The following MED13L variants were observed in gnomAD, a reference collection of about 807,000 sequenced individuals.
The protein encoded by MED13L is mediator complex subunit 13L, also known as mediator of RNA polymerase II transcription subunit 13-like.
MED13L carries 7 observed loss-of-function variants against 220.9 expected under a neutral mutation model. The observed-to-expected ratio is 0.03, with a 90% confidence interval of 0.02 to 0.06. MED13L has a LOEUF of 0.06. MED13L is among the 10% of genes least tolerant of loss of function. The probability of loss-of-function intolerance (pLI) is 1.00; values close to 1 mark genes in which losing one functional copy is unlikely to be tolerated. For missense variants in MED13L, 1,965 were observed against 2,760.5 expected (o/e 0.71, Z 6.46); for synonymous variants, 1,011 against 1,015.2 (o/e 1.00, Z 0.08).
chr12:116,135,814 G>A (rs982753313), intron 2 of MED13L, among the ~76,000 whole-genome samples: 1 of 151,982 alleles, frequency 6.6e-6, no homozygotes, highest in African/African-American at 2.4e-5. Flanking sequence ...GATCAGTTTT[G>A]TGATCCTTGA....
intron 4 of MED13L, 29 bp downstream of exon 4, chr12:116,096,639 CA>C: frequency 1.3e-6 from 2 of 1,599,374 alleles, no homozygotes; most frequent in Non-Finnish European, 1.7e-6. Context: ...CCAAAGAAAC[CA>C]AAAAGCCAAG....
intron 1 of MED13L, 196 bp downstream of exon 1, chr12:116,276,864 C>G: frequency 1.0e-6 from 1 of 969,756 alleles, no homozygotes; most frequent in African/African-American, 1.6e-5. Context: ...TTTAAAGAGC[C>G]AAATAAACAC....
intron 4 of MED13L, among the ~76,000 whole-genome samples, chr12:116,057,730 T>C (rs1869092479): frequency 6.6e-6 from 1 of 151,972 alleles, no homozygotes; most frequent in Non-Finnish European, 1.5e-5. Flanking sequence ...CAAAATTTGA[T>C]GGTTTCCTTC....
intron 3 of MED13L, among the ~76,000 whole-genome samples, chr12:116,108,935 T>C (rs1267645975): frequency 6.6e-6 from 1 of 152,060 alleles, no homozygotes; most frequent in Non-Finnish European, 1.5e-5. Context: ...GTCCTGTACT[T>C]AAATGTTAAC....
At chr12:116,061,326 GTA>G (rs954583970) in intron 4 of MED13L, among the ~76,000 whole-genome samples, 4 of 151,862 alleles carry the variant, frequency 2.6e-5, no homozygotes, top group Admixed American at 2.0e-4. Flanking sequence ...CAAATAATAT[GTA>G]TCTTTTATTT....
intron 9 of MED13L, 147 bp from the exon 10 acceptor site, chr12:116,009,279 A>C (rs1879247404): frequency 1.4e-6 from 1 of 717,170 alleles, no homozygotes; most frequent in Non-Finnish European, 2.3e-6. Flanking sequence ...ACTAAAAAAC[A>C]CAATACACCC....
chr12:116,107,175 TAA>T (rs1873661369), intron 3 of MED13L, among the ~76,000 whole-genome samples: 1 of 152,128 alleles, frequency 6.6e-6, no homozygotes, highest in African/African-American at 2.4e-5. Flanking sequence ...GAAAAGGACT[TAA>T]ACAAACACGT....
intron 1 of MED13L, among the ~76,000 whole-genome samples, chr12:116,241,405 T>C (rs1385152789): frequency 6.6e-6 from 1 of 151,864 alleles, no homozygotes; most frequent in Non-Finnish European, 1.5e-5. Flanking sequence ...ATTAACCTTA[T>C]TTAAAGTGTT....
In MED13L at chr12:116,002,054, A is replaced by C. The variant is rs142354990; in HGVS notation, c.2569+949T>G. ...TATCTATTTTAATACTGTTTCTTTT[A>C]ATCTGTGAAGTTCCATGTTTGTGAA... On this transcript the variant is annotated intron_variant, in intron 14 of 30. Coordinates refer to ENST00000281928, the MANE Select transcript of MED13L (RefSeq NM_015335.5). Among the ~76,000 whole-genome samples the C allele has an allele frequency of 4.9e-3, 754 of 152,356 alleles. 1 individual carries two copies. Among genetic ancestry groups the C allele is most frequent in the Non-Finnish European group, 7.7e-3 (527 of 68,022 alleles).
intron 4 of MED13L, among the ~76,000 whole-genome samples, chr12:116,035,113 T>C (rs1349343277): frequency 2.0e-5 from 3 of 152,164 alleles, no homozygotes; most frequent in African/African-American, 7.2e-5. Flanking sequence ...TAGGGATGTA[T>C]ACATAAATAA....
At chr12:116,153,778 A>C (rs1012854093) in intron 2 of MED13L, among the ~76,000 whole-genome samples, 2 of 152,146 alleles carry the variant, frequency 1.3e-5, no homozygotes, top group African/African-American at 4.8e-5. Flanking sequence ...TAATATGCAA[A>C]TAGTATATCT....
At chr12:116,048,976 A>G (rs1478181807) in intron 4 of MED13L, among the ~76,000 whole-genome samples, 2 of 152,190 alleles carry the variant, frequency 1.3e-5, no homozygotes, top group South Asian at 2.1e-4. Context: ...ATGCTACAAT[A>G]AGACATTTGC....
At chr12:116,007,695 G>C (rs1258995255) in intron 10 of MED13L, 59 bp from the exon 11 acceptor site, 7 of 1,453,738 alleles carry the variant, frequency 4.8e-6, no homozygotes, top group Non-Finnish European at 6.6e-6. Context: ...CATTTACAAA[G>C]TTTAAACTTT....
chr12:116,157,348 G>A (rs962797883), intron 2 of MED13L, among the ~76,000 whole-genome samples: 2 of 152,088 alleles, frequency 1.3e-5, no homozygotes, highest in African/African-American at 4.8e-5. Context: ...TGAGGACAGG[G>A]ACCATGTCTA....
At chr12:116,045,422 G>A (rs940686593) in intron 4 of MED13L, among the ~76,000 whole-genome samples, 1 of 152,108 alleles carries the variant, frequency 6.6e-6, no homozygotes, top group Non-Finnish European at 1.5e-5. Flanking sequence ...CCTCTTGCTA[G>A]CAGAGGCTGT....
intron 2 of MED13L, among the ~76,000 whole-genome samples, chr12:116,216,684 A>C (rs916084731): frequency 3.9e-5 from 6 of 152,194 alleles, no homozygotes; most frequent in Admixed American, 1.3e-4. Context: ...TCAATGTAAG[A>C]AGCATAAAGC....
At chr12:115,982,625 A>G in intron 21 of MED13L, 22 bp from the exon 22 acceptor site, 1 of 1,572,928 alleles carries the variant, frequency 6.4e-7, no homozygotes, top group Non-Finnish European at 8.7e-7. Flanking sequence ...GTCACTTGTG[A>G]GATGCACAAA....
intron 1 of MED13L, among the ~76,000 whole-genome samples, chr12:116,265,404 G>A (rs1565957339): frequency 6.6e-6 from 1 of 152,210 alleles, no homozygotes; most frequent in Non-Finnish European, 1.5e-5. Flanking sequence ...GTGTAAGACA[G>A]CAGTCCTAGA....
chr12:115,970,808 C>T (rs775416589), intron 26 of MED13L, 38 bp from the exon 27 acceptor site: 6 of 1,590,306 alleles, frequency 3.8e-6, no homozygotes, highest in Admixed American at 1.7e-5. Context: ...AATCAATGAA[C>T]AACCCCAGAA....
Sources: gnomAD v4.1 joint callset for allele counts (sites outside exome capture counted in the v4.1 genomes callset) on GRCh38, gnomAD v4.1.1 for gene constraint, MANE v1.5 for transcripts, NCBI Gene and HGNC (gene_info 2026-07-23, HGNC 2026-07-21) for gene names.